The following MDN1 variants were observed in gnomAD, a reference collection of about 807,000 sequenced individuals.
The protein encoded by MDN1 is midasin AAA ATPase 1, also known as midasin.
A neutral mutation model predicts 669.2 loss-of-function variants in MDN1; 266 were observed. The observed-to-expected ratio is 0.40, with a 90% CI of 0.36 to 0.44. The LOEUF (loss-of-function observed/expected upper bound fraction) is 0.44, where lower values mean the gene tolerates loss of function less well. Ranked by LOEUF, MDN1 falls within the 20% of genes least tolerant of loss-of-function variation. The pLI, the probability that MDN1 is intolerant of heterozygous loss-of-function variation, is 1.00. For missense variants in MDN1, 5,940 were observed against 6,754.0 expected, an observed-to-expected ratio of 0.88 and a Z score of 4.22; for synonymous variants, 2,385 against 2,457.1, an observed-to-expected ratio of 0.97 and a Z score of 0.87.
Position 89,696,657 on chromosome 6 carries a change from A to C in MDN1, c.9169-83T>G. 3.8e-6 allele frequency: 4 copies of C among 1,053,604 alleles called. No homozygotes were observed. In the South Asian group the frequency reaches 5.6e-5, roughly 15 times the overall value. The allele number at this position is 1,053,604 out of a possible 1,614,324, so 65.3% of individuals were successfully genotyped here. A position where few individuals can be genotyped will look rare whatever the true frequency, so the allele number is the denominator to read the frequency against. On this transcript the variant is annotated intron_variant, in intron 59 of 101. Coordinates refer to ENST00000369393, the MANE Select transcript of MDN1 (RefSeq NM_014611.3). Reference sequence around the variant, plus strand: ...GCATTAGGGAACCTGAGAGGAAAGAAACAGACAGTTCAGGTTGCTTGGAAC... The same window carrying C: ...GCATTAGGGAACCTGAGAGGAAAGACACAGACAGTTCAGGTTGCTTGGAAC...
chr6:89,800,255 C>A (rs1767550070), intron 2 of MDN1, among the ~76,000 whole-genome samples: 1 of 152,016 alleles, frequency 6.6e-6, no homozygotes, highest in South Asian at 2.1e-4. Context: ...TGGAGAAACC[C>A]CGTCTCTACT....
intron 15 of MDN1, among the ~76,000 whole-genome samples, chr6:89,764,214 C>T (rs533766705): frequency 6.6e-5 from 10 of 152,170 alleles, no homozygotes; most frequent in African/African-American, 1.9e-4. Flanking sequence ...AGAACTCATC[C>T]CTTTATAAAA....
intron 1 of MDN1, chr6:89,814,998 CA>C: frequency 1.7e-6 from 1 of 602,584 alleles, no homozygotes; most frequent in Non-Finnish European, 2.8e-6. Context: ...AAAGTAGCAC[CA>C]AGTGTCTGGT....
In MDN1 at chr6:89,794,660, C is replaced by A. The variant is rs2128327316; in HGVS notation, c.471G>T (p.Gln157His). The stretch of plus-strand genomic sequence containing the variant: ...GCTCCCGGAACACAGACTGCTCCTG[C>A]TGCAGAAACTTGAAGGCTGCTTCCA... ...DLMEAAFKFL[Q>H]QEQSVFRELW... Residue 157 changes from glutamine to histidine, a missense_variant, in exon 3 of 102, where the codon CAG (glutamine) becomes CAT (histidine). Around this residue, in one of 5 missense-constraint regions of MDN1, gnomAD observed 1,203 missense variants for 1,268.9 expected, o/e 0.95. Coordinates refer to ENST00000369393, the MANE Select transcript of MDN1 (RefSeq NM_014611.3). 1.9e-6 allele frequency: 3 copies of A among 1,614,186 alleles called. No individual in the cohort carries two copies. The East Asian group carries it at 6.7e-5, about 36-fold the overall frequency.
In MDN1 at chr6:89,743,655, G is replaced by C. The variant is rs750065976; in HGVS notation, c.4238C>G (p.Ser1413Cys). 6.2e-7 allele frequency: 1 copy of C among 1,614,132 alleles called. No homozygotes were observed. ...FAALANQKLY[S>C]VSCHLHMETS... ...CTCCATGTGTAAGTGGCAGCTGACA[G>C]AGTATAATTTCTGATTTGCCAAGGC... The change falls in exon 30 of 102, where the codon TCT becomes TGT. Residue 1413 changes from serine to cysteine, a missense_variant. Around this residue, in one of 5 missense-constraint regions of MDN1, gnomAD observed 2,292 missense variants for 2,638.3 expected, o/e 0.87. Coordinates refer to ENST00000369393, the MANE Select transcript of MDN1 (RefSeq NM_014611.3).
At chr6:89,694,305 G>A (rs561351519) in intron 61 of MDN1, 122 bp from the exon 62 acceptor site, 2 of 757,872 alleles carry the variant, frequency 2.6e-6, no homozygotes, top group South Asian at 1.6e-5. Flanking sequence ...AATGACCCAA[G>A]GAGAGGTGGC....
chr6:89,689,582 T>G (rs1812244073), intron 65 of MDN1, among the ~76,000 whole-genome samples: 1 of 152,224 alleles, frequency 6.6e-6, no homozygotes, highest in Non-Finnish European at 1.5e-5. Flanking sequence ...ACGTACACAT[T>G]TAAATTAAGT....
chr6:89,696,067 T>G, intron 60 of MDN1, 75 bp from the exon 61 acceptor site: 1 of 1,497,394 alleles, frequency 6.7e-7, no homozygotes. Flanking sequence ...AGTATAATTC[T>G]CTCAAGAAAT....
intron 80 of MDN1, 48 bp from the exon 81 acceptor site, chr6:89,672,750 AT>A (rs751682444): frequency 5.2e-5 from 83 of 1,587,532 alleles, no homozygotes; most frequent in Middle Eastern, 5.0e-4. Context: ...AAAGACACCA[AT>A]CATTTGCTTT....
chr6:89,750,211 T>TTTAA, intron 24 of MDN1, 143 bp downstream of exon 24: 1 of 807,122 alleles, frequency 1.2e-6, no homozygotes, highest in Non-Finnish European at 1.9e-6. Flanking sequence ...ACCCCTTAAC[T>TTTAA]ATCTTAGCTC....
rs1554191094 is a variant in MDN1, at chr6:89,746,611, A to AAAAAG, written c.3904+717_3904+718insCTTTT. ...TCTATCTCAAAAAAAAAAAAAAAAA[A>AAAAAG]AAAGAAAGAAAGAAAGAAAGAAAGA... On this transcript the variant is annotated intron_variant, in intron 27 of 101. Coordinates refer to ENST00000369393, the MANE Select transcript of MDN1 (RefSeq NM_014611.3). 3.0e-3 allele frequency among the ~76,000 whole-genome samples: 121 copies of AAAAAG among 40,524 alleles called. 1 individual carries two copies. The highest frequency in any genetic ancestry group is 4.0e-3 in the Non-Finnish European group (82 of 20,434). 26.6% of individuals were successfully genotyped at this position (40,524 alleles called of 152,430 possible). A position where few individuals can be genotyped will look rare whatever the true frequency, so the allele number is the denominator to read the frequency against.
chr6:89,719,526 C>CA (rs970383975), intron 40 of MDN1, among the ~76,000 whole-genome samples: 29 of 151,800 alleles, frequency 1.9e-4, no homozygotes, highest in Admixed American at 5.9e-4. Flanking sequence ...AATCTAGAGA[C>CA]AAAAAAAGAG....
intron 40 of MDN1, among the ~76,000 whole-genome samples, chr6:89,720,946 A>T (rs1182041072): frequency 6.6e-6 from 1 of 152,144 alleles, no homozygotes; most frequent in Non-Finnish European, 1.5e-5. Context: ...ACCAGCCTGG[A>T]CAACACGGCA....
Position 89,644,189 on chromosome 6 carries a change from G to T in MDN1, c.16607C>A (p.Ser5536Tyr). ...TATCGGTACTTTAATGTCCAAGATA[G>T]AATCCTGTCAACAAAAGACATTTTG... Reference protein sequence around the residue: ...VVLDNPSSRDSILDIKVPIFK... With the variant: ...VVLDNPSSRDYILDIKVPIFK... Residue 5536 changes from serine (S) to tyrosine (Y), a missense_variant, in exon 102 of 102, where the codon TCT (serine) becomes TAT (tyrosine). Ser to Tyr is a moderately radical substitution (Grantham distance 144). Transcript: ENST00000369393. 6.2e-7 allele frequency: 1 copy of T among 1,606,490 alleles called. No individual in the cohort carries two copies. Among genetic ancestry groups the T allele is most frequent in the South Asian group, 1.1e-5 (1 of 89,662 alleles).
At chr6:89,797,243 G>A (rs528436413) in intron 2 of MDN1, among the ~76,000 whole-genome samples, 8 of 151,970 alleles carry the variant, frequency 5.3e-5, no homozygotes, top group South Asian at 2.1e-4. Context: ...GGTGGCACAC[G>A]CCTGTAGTCC....
intron 50 of MDN1, among the ~76,000 whole-genome samples, chr6:89,709,815 T>TA (rs1259635597): frequency 2.0e-5 from 3 of 152,066 alleles, no homozygotes; most frequent in Non-Finnish European, 2.9e-5. Flanking sequence ...ACTCCTTATT[T>TA]AAAAAAAATT....
intron 33 of MDN1, among the ~76,000 whole-genome samples, chr6:89,737,779 A>C (rs1816074133): frequency 6.7e-6 from 1 of 148,892 alleles, no homozygotes; most frequent in Admixed American, 6.8e-5. Flanking sequence ...GCTGGAGTGC[A>C]ATGGCGCGAT....
In MDN1 at chr6:89,693,147, G is replaced by A; in HGVS notation, c.9883C>T (p.Leu3295=). 1 of 1,571,396 alleles carries A rather than the reference G, an allele frequency of 6.4e-7. No individual in the cohort carries two copies. The highest frequency in any genetic ancestry group is 8.6e-7 in the Non-Finnish European group (1 of 1,159,300). ...VVSYSHPHVR[L]LRQRMDRLDN... ...AGCCGATCCATCCTTTGGCGAAGCA[G>A]CCTAACGGGAAATTAACACAATATG... is the stretch of plus-strand genomic sequence containing the variant. Residue 3295 remains leucine (L), a splice_region_variant and synonymous_variant, in exon 63 of 102, where the codon CTG becomes TTG. Transcript: ENST00000369393.
At chr6:89,693,856 T>C (rs1812541673) in intron 62 of MDN1, among the ~76,000 whole-genome samples, 1 of 152,202 alleles carries the variant, frequency 6.6e-6, no homozygotes, top group South Asian at 2.1e-4. Context: ...AGTTTTGGCT[T>C]CAAACATCTT....
Sources: gnomAD v4.1 joint callset for allele counts (sites outside exome capture counted in the v4.1 genomes callset) on GRCh38, gnomAD v4.1.1 for gene constraint, gnomAD v4.1.1 regional missense constraint, MANE v1.5 for transcripts, NCBI Gene and HGNC (gene_info 2026-07-23, HGNC 2026-07-21) for gene names.